Variants in ZFAT observed in about 807,000 individuals in gnomAD.
ZFAT encodes zinc finger protein ZFAT.
A neutral mutation model predicts 117.7 loss-of-function variants in ZFAT; 64 were observed. The observed-to-expected ratio is 0.54, with a 90% CI of 0.44 to 0.67. The LOEUF is 0.67. ZFAT is among the 30% of genes least tolerant of loss of function. The pLI, the probability that ZFAT is intolerant of heterozygous loss-of-function variation, is 0.00. For missense variants in ZFAT, 1,433 were observed against 1,584.5 expected (o/e 0.90, Z 1.62); for synonymous variants, 679 against 615.0 (o/e 1.10, Z -1.54).
At chr8:134,768,988 C>T in the ZFAT span, among the ~76,000 whole-genome samples, 1 of 152,150 alleles carries the variant, frequency 6.6e-6, no homozygotes, top group Non-Finnish European at 1.5e-5. Context: ...GCCTGGCTGA[C>T]ATGATGAAAC....
At chr8:134,657,150 T>C (rs1374967196) in intron 2 of ZFAT, among the ~76,000 whole-genome samples, 1 of 152,212 alleles carries the variant, frequency 6.6e-6, no homozygotes, top group African/African-American at 2.4e-5. Context: ...TGTAGGCATA[T>C]TCTTTAACTT....
At chr8:134,500,000 A>T (rs1001738457) in intron 15 of ZFAT, among the ~76,000 whole-genome samples, 2 of 152,142 alleles carry the variant, frequency 1.3e-5, no homozygotes, top group Non-Finnish European at 2.9e-5. Flanking sequence ...TTCTGGTGGG[A>T]ATGAAAAACA....
chr8:134,537,546 T>C (rs1821932190), intron 11 of ZFAT, among the ~76,000 whole-genome samples: 1 of 152,158 alleles, frequency 6.6e-6, no homozygotes, highest in South Asian at 2.1e-4. Context: ...CGAGGGTCGA[T>C]ACCAGCCAGT....
chr8:134,637,549 C>T lies in ZFAT; in HGVS notation c.360G>A (p.Lys120=). The change falls in exon 3 of 16, where the codon AAG becomes AAA. Residue 120 remains lysine (K), a synonymous_variant. Transcript: ENST00000377838. ...GCGTGTTGGAGAACTTCCGACAGCA[C>T]TTGCTACACTCCAAGCTGCTTGGAG... ...SLPPSSLECS[K]CCRKFSNTRQ... 1.9e-6 allele frequency: 3 copies of T among 1,614,248 alleles called. No homozygotes were observed. Among genetic ancestry groups the T allele is most frequent in the Non-Finnish European group, 1.7e-6 (2 of 1,180,040 alleles).
intron 4 of ZFAT, among the ~76,000 whole-genome samples, chr8:134,610,055 T>C (rs963375703): frequency 9.2e-5 from 14 of 152,278 alleles, no homozygotes; most frequent in African/African-American, 3.4e-4. Flanking sequence ...AGAGTTAGCA[T>C]GGGTTTTGGA....
chr8:134,693,020 G>A (rs1833655422), intron 1 of ZFAT, among the ~76,000 whole-genome samples: 1 of 152,184 alleles, frequency 6.6e-6, no homozygotes, highest in African/African-American at 2.4e-5. Flanking sequence ...ATTTTTAAGA[G>A]GGAAATACAG....
intron 1 of ZFAT, among the ~76,000 whole-genome samples, chr8:134,660,324 T>G (rs1831862385): frequency 6.6e-6 from 1 of 152,182 alleles, no homozygotes; most frequent in Non-Finnish European, 1.5e-5. Context: ...TCCTCCAAGT[T>G]ATAGCTAAAA....
the ZFAT span, among the ~76,000 whole-genome samples, chr8:134,789,824 T>C: frequency 6.6e-6 from 1 of 152,234 alleles, no homozygotes; most frequent in East Asian, 1.9e-4. Flanking sequence ...TGGAAATTTC[T>C]TGGCCATTTA....
intron 1 of ZFAT, among the ~76,000 whole-genome samples, chr8:134,686,059 T>G (rs916469215): frequency 2.4e-4 from 36 of 152,346 alleles, no homozygotes; most frequent in African/African-American, 7.7e-4. Context: ...TCACTGCTGC[T>G]GCTGGTCCCC....
chr8:134,634,389 TTC>T (rs1343663350), intron 3 of ZFAT, among the ~76,000 whole-genome samples: 5 of 152,244 alleles, frequency 3.3e-5, no homozygotes, highest in Non-Finnish European at 7.3e-5. Flanking sequence ...TCTTAGTATT[TTC>T]TGTTTCATTA....
At chr8:134,713,239 G>A (rs1232667027), upstream of ZFAT, among the ~76,000 whole-genome samples, 2 of 152,192 alleles carry the variant, frequency 1.3e-5, no homozygotes, top group Non-Finnish European at 2.9e-5. Context: ...CGGGAGGTCC[G>A]GAGCGCGGAT....
At chr8:134,797,461 A>G in the ZFAT span, 2 of 152,154 alleles carry the variant, frequency 1.3e-5, no homozygotes, top group African/African-American at 4.8e-5. Flanking sequence ...AACTAATTTT[A>G]AAAAACAGAA....
At chr8:134,544,022 A>G (rs376518037) in intron 11 of ZFAT, among the ~76,000 whole-genome samples, 12 of 152,186 alleles carry the variant, frequency 7.9e-5, no homozygotes, top group African/African-American at 2.4e-4. Context: ...TAAGAGTGGG[A>G]ATGTTGATGA....
At chr8:134,685,480 G>A (rs1169524842) in intron 1 of ZFAT, among the ~76,000 whole-genome samples, 1 of 152,144 alleles carries the variant, frequency 6.6e-6, no homozygotes, top group African/African-American at 2.4e-5. Context: ...CGTGGAGAAG[G>A]GGACTCTGCT....
At chr8:134,791,446 T>G in the ZFAT span, among the ~76,000 whole-genome samples, 1 of 152,210 alleles carries the variant, frequency 6.6e-6, no homozygotes, top group Non-Finnish European at 1.5e-5. Flanking sequence ...CCTAGGTCAG[T>G]GTACCTTCAG....
At chr8:134,773,093 C>T in the ZFAT span, among the ~76,000 whole-genome samples, 6 of 104,088 alleles carry the variant, frequency 5.8e-5, no homozygotes, top group Non-Finnish European at 7.9e-5. Flanking sequence ...AATCCCAATT[C>T]AAAAAAAAAA....
At chr8:134,742,952 A>G in the ZFAT span, among the ~76,000 whole-genome samples, 1 of 152,154 alleles carries the variant, frequency 6.6e-6, no homozygotes, top group Non-Finnish European at 1.5e-5. Flanking sequence ...TGCACGCCCC[A>G]AGTGTGCCTC....
chr8:134,584,715 C>T (rs1280162257), intron 9 of ZFAT, among the ~76,000 whole-genome samples: 5 of 144,508 alleles, frequency 3.5e-5, no homozygotes, highest in African/African-American at 7.6e-5. Flanking sequence ...CTTCACTGTC[C>T]GGTGGGAGAT....
the ZFAT span, among the ~76,000 whole-genome samples, chr8:134,729,704 C>T: frequency 1.3e-5 from 2 of 152,132 alleles, no homozygotes; most frequent in African/African-American, 4.8e-5. Context: ...ATAGCATCGT[C>T]CTTATAAGCA....
Sources: allele counts gnomAD v4.1 joint callset (sites outside exome capture counted in the v4.1 genomes callset), GRCh38; gene constraint gnomAD v4.1.1; transcripts MANE v1.5; gene names NCBI Gene and HGNC (gene_info 2026-07-23, HGNC 2026-07-21).